LRRC7: variants seen among roughly 807,000 people sequenced by gnomAD.
The protein encoded by LRRC7 is leucine rich repeat containing 7.
In LRRC7, 23 loss-of-function variants were observed where a neutral mutation model predicts 175.7. That is an observed-to-expected ratio of 0.13 (90% confidence interval 0.09 to 0.19). The LOEUF (loss-of-function observed/expected upper bound fraction) is 0.19. Ranked by LOEUF, LRRC7 falls within the 10% of genes least tolerant of loss-of-function variation. The pLI, the probability that LRRC7 is intolerant of heterozygous loss-of-function variation, is 1.00. For synonymous variants in LRRC7, 685 were observed against 680.9 expected, an observed-to-expected ratio of 1.01 and a Z score of -0.09; for missense variants, 1,354 against 1,904.7, an observed-to-expected ratio of 0.71 and a Z score of 5.38.
At chr1:69,774,894 G>A (rs1006277568) in intron 3 of LRRC7, among the ~76,000 whole-genome samples, 9 of 152,124 alleles carry the variant, frequency 5.9e-5, no homozygotes, top group African/African-American at 1.7e-4. Flanking sequence ...AGAAATACAC[G>A]CACATCTTTA....
intron 8 of LRRC7, among the ~76,000 whole-genome samples, chr1:69,947,144 T>TC (rs1268022795): frequency 1.2e-4 from 18 of 151,676 alleles, no homozygotes; most frequent in African/African-American, 3.9e-4. Context: ...AATAAATAAA[T>TC]AAATAAATCT....
Position 70,068,247 on chromosome 1 carries a change from A to T in LRRC7, c.4231-7830A>T, listed in dbSNP as rs534863724. Among the ~76,000 whole-genome samples the T allele has an allele frequency of 2.0e-5, 3 of 152,062 alleles. No homozygotes were observed. The South Asian group carries it at 6.2e-4, about 31-fold the overall frequency. ...GTATATTAGCTATACATTTTTGTAG[A>T]TGTTCTTTATTGAGTAGAGGAAGTT... On this transcript the variant is annotated intron_variant, in intron 23 of 26. Transcript: ENST00000651989.
At chr1:69,908,825 TG>T (rs1646414483) in intron 7 of LRRC7, among the ~76,000 whole-genome samples, 1 of 146,736 alleles carries the variant, frequency 6.8e-6, no homozygotes, top group Admixed American at 6.8e-5. Context: ...TGGGTATCCT[TG>T]TTAACTTTCT....
At chr1:69,961,894 C>G (rs1422852357) in intron 8 of LRRC7, among the ~76,000 whole-genome samples, 2 of 152,024 alleles carry the variant, frequency 1.3e-5, no homozygotes, top group African/African-American at 2.4e-5. Flanking sequence ...AGAAGAAAAC[C>G]TAGGCTACAG....
chr1:70,009,071 A>G (rs1199331254), intron 11 of LRRC7, among the ~76,000 whole-genome samples: 1 of 152,204 alleles, frequency 6.6e-6, no homozygotes, highest in Non-Finnish European at 1.5e-5. Context: ...CAACCACCTT[A>G]CCAAGACCAA....
chr1:70,104,822 T>C (rs1422579717), intron 25 of LRRC7, among the ~76,000 whole-genome samples: 1 of 152,172 alleles, frequency 6.6e-6, no homozygotes, highest in Non-Finnish European at 1.5e-5. Flanking sequence ...CCTCCCAGCA[T>C]TGCAGATATG....
chr1:69,724,859 C>G (rs1476092726), intron 2 of LRRC7, among the ~76,000 whole-genome samples: 1 of 152,044 alleles, frequency 6.6e-6, no homozygotes, highest in East Asian at 1.9e-4. Context: ...TCCTTTTCAA[C>G]TGTTACTATA....
intron 3 of LRRC7, among the ~76,000 whole-genome samples, chr1:69,781,715 GAAAGAAAGAAAGAAAGAA>G (rs1264702746): frequency 3.5e-5 from 1 of 28,982 alleles, no homozygotes; most frequent in Non-Finnish European, 5.9e-5. Flanking sequence ...AAGAAAGAAA[GAAAGAAAGAAAGAAAGAA>G]AGAGAGAGAG....
rs190933973 is a variant in LRRC7 at position 69,901,374 on chromosome 1, C to A, written c.648-30133C>A. On this transcript the variant is annotated intron_variant, in intron 7 of 26. Transcript: ENST00000651989. ...TGTTTCTATTAAAGTCTACTGGGAG[C>A]ATAGTAGTAATACTCATTAAAATAG... Among the ~76,000 whole-genome samples, 21 of 152,260 alleles carry A rather than the reference C, an allele frequency of 1.4e-4. No homozygotes were observed. The East Asian group carries it at 4.1e-3, about 29-fold the overall frequency.
chr1:69,609,713 C>A (rs1431914637), intron 1 of LRRC7, among the ~76,000 whole-genome samples: 3 of 151,992 alleles, frequency 2.0e-5, no homozygotes, highest in African/African-American at 7.2e-5. Context: ...TTCTAAGTTA[C>A]AATTTTTAAT....
chr1:69,903,255 C>G (rs1190651043), intron 7 of LRRC7, among the ~76,000 whole-genome samples: 1 of 152,188 alleles, frequency 6.6e-6, no homozygotes, highest in African/African-American at 2.4e-5. Flanking sequence ...CAGGTGATTT[C>G]TGCATTTCCA....
At chr1:69,718,754 T>C (rs1432095373) in intron 2 of LRRC7, among the ~76,000 whole-genome samples, 1 of 151,792 alleles carries the variant, frequency 6.6e-6, no homozygotes, top group Admixed American at 6.6e-5. Context: ...ACTTCCAGTG[T>C]CTGTTTTGTT....
At chr1:69,984,612 G>A (rs1456477197) in intron 9 of LRRC7, among the ~76,000 whole-genome samples, 1 of 152,094 alleles carries the variant, frequency 6.6e-6, no homozygotes, top group Non-Finnish European at 1.5e-5. Context: ...CAAGATATGG[G>A]TTGATCCTTC....
intron 7 of LRRC7, among the ~76,000 whole-genome samples, chr1:69,922,506 A>G (rs186594780): frequency 6.6e-5 from 10 of 152,336 alleles, no homozygotes; most frequent in African/African-American, 2.4e-4. Context: ...ATTATGAACT[A>G]CTTAATACTG....
Position 70,121,890 on chromosome 1 carries a change from AT to A in LRRC7, c.*9del. 1 of 1,571,048 alleles carries A rather than the reference AT, an allele frequency of 6.4e-7. No homozygotes were observed. Among genetic ancestry groups the A allele is most frequent in the Middle Eastern group, 1.7e-4 (1 of 5,866 alleles). On this transcript the variant is annotated 3_prime_UTR_variant, in exon 27 of 27. Coordinates refer to ENST00000651989, the MANE Select transcript of LRRC7 (RefSeq NM_001370785.2). Reference sequence around the variant, plus strand: ...TTCAACGTGAGCTTACTGTCTAAATATTTTTTATAAATAGTGAAGATACGTC... The same window carrying A: ...TTCAACGTGAGCTTACTGTCTAAATATTTTTATAAATAGTGAAGATACGTC...
In LRRC7 at chr1:69,568,541, G is replaced by T; in HGVS notation, c.-99G>T. The T allele has an allele frequency of 1.7e-6, 2 of 1,176,838 alleles. No individual in the cohort carries two copies. The highest frequency in any genetic ancestry group is 1.1e-6 in the Non-Finnish European group (1 of 877,990). 72.9% of individuals were successfully genotyped at this position (1,176,838 alleles called of 1,614,324 possible). A position where few individuals can be genotyped will look rare whatever the true frequency, so the allele number is the denominator to read the frequency against. ...CCTCTTCTCCTCCGAAGACCCTGGC[G>T]CCCACTCCACTGCGGACCCCTGAAC... On this transcript the variant is annotated 5_prime_UTR_variant, in exon 1 of 27. Coordinates refer to ENST00000651989, the MANE Select transcript of LRRC7 (RefSeq NM_001370785.2).
intron 7 of LRRC7, among the ~76,000 whole-genome samples, chr1:69,867,008 T>C (rs1406846889): frequency 6.6e-6 from 1 of 152,078 alleles, no homozygotes; most frequent in Non-Finnish European, 1.5e-5. Context: ...CTGGAATAAA[T>C]AAACTAGCAA....
At chr1:69,944,076 G>C (rs1195141120) in intron 8 of LRRC7, among the ~76,000 whole-genome samples, 2 of 151,408 alleles carry the variant, frequency 1.3e-5, no homozygotes, top group African/African-American at 2.4e-5. Flanking sequence ...CAGATCTCTA[G>C]AACTTTTCTA....
intron 24 of LRRC7, among the ~76,000 whole-genome samples, chr1:70,081,964 A>G (rs1663243220): frequency 6.6e-6 from 1 of 152,166 alleles, no homozygotes; most frequent in Admixed American, 6.5e-5. Context: ...TATTTAAGGG[A>G]AAAAAAGTTC....
Sources: gnomAD v4.1 joint callset for allele counts (sites outside exome capture counted in the v4.1 genomes callset) on GRCh38, gnomAD v4.1.1 for gene constraint, MANE v1.5 for transcripts, NCBI Gene and HGNC (gene_info 2026-07-23, HGNC 2026-07-21) for gene names.